MTHFD1L: variants seen among roughly 807,000 people sequenced by gnomAD.
MTHFD1L encodes the protein methylenetetrahydrofolate dehydrogenase (NADP+ dependent) 1 like, also known as monofunctional C1-tetrahydrofolate synthase, mitochondrial.
MTHFD1L carries 81 observed loss-of-function variants against 119.5 expected under a neutral mutation model. That is an observed-to-expected ratio of 0.68 (90% CI 0.57 to 0.82). The LOEUF (loss-of-function observed/expected upper bound fraction) is 0.82. Among genes scored for constraint, MTHFD1L ranks in the 40% least tolerant of loss-of-function variants. MTHFD1L has a pLI of 0.00. For synonymous variants in MTHFD1L, 430 were observed against 475.2 expected (o/e 0.90, Z 1.24); for missense variants, 1,125 against 1,253.4 (o/e 0.90, Z 1.55).
chr6:150,901,419 G>C (rs150003800), intron 7 of MTHFD1L, among the ~76,000 whole-genome samples: 14 of 152,322 alleles, frequency 9.2e-5, no homozygotes, highest in African/African-American at 3.1e-4. Context: ...GGGCTGCAGT[G>C]AGCTGAGACT....
chr6:151,004,481 G>T (rs1434155156), intron 20 of MTHFD1L, among the ~76,000 whole-genome samples: 2 of 152,158 alleles, frequency 1.3e-5, no homozygotes, highest in Non-Finnish European at 2.9e-5. Context: ...GGAATGTTGT[G>T]TTGTTCTGGT....
chr6:151,052,693 T>C (rs765563895), intron 26 of MTHFD1L, among the ~76,000 whole-genome samples: 5 of 152,184 alleles, frequency 3.3e-5, no homozygotes, highest in Non-Finnish European at 5.9e-5. Flanking sequence ...GATCAGACCA[T>C]TGCATAGCTC....
chr6:151,058,360 C>G (rs780655149), intron 26 of MTHFD1L, among the ~76,000 whole-genome samples: 1 of 152,252 alleles, frequency 6.6e-6, no homozygotes, highest in South Asian at 2.1e-4. Flanking sequence ...CTGTCACATC[C>G]GTTTTTGGCA....
chr6:150,933,519 A>G (rs148548816), intron 11 of MTHFD1L, among the ~76,000 whole-genome samples: 2 of 152,204 alleles, frequency 1.3e-5, no homozygotes, highest in East Asian at 3.9e-4. Flanking sequence ...CTGTTTAGAC[A>G]GATGCAGAGG....
In MTHFD1L at chr6:150,882,884, T is replaced by C; in HGVS notation, c.540T>C (p.Asp180=). The C allele has an allele frequency of 6.4e-7, 1 of 1,565,514 alleles. No homozygotes were observed. Residue 180 remains aspartate (D), a splice_region_variant and synonymous_variant, in exon 5 of 28, where the codon GAT becomes GAC. Coordinates refer to ENST00000367321, the MANE Select transcript of MTHFD1L (RefSeq NM_015440.5). ...LNALKPEKDV[D]GVTDINLGKL... ...CCTTGAAACCAGAAAAAGATGTGGA[T>C]GGGTAAGAAAATAAAATCAAATAAT...
intron 7 of MTHFD1L, among the ~76,000 whole-genome samples, chr6:150,902,687 C>T (rs147765951): frequency 9.9e-5 from 15 of 152,202 alleles, no homozygotes; most frequent in Non-Finnish European, 2.1e-4. Flanking sequence ...ATGAGCACAG[C>T]CCACTTTAGA....
intron 17 of MTHFD1L, among the ~76,000 whole-genome samples, chr6:150,957,214 A>G (rs1795778582): frequency 6.6e-6 from 1 of 152,228 alleles, no homozygotes; most frequent in African/African-American, 2.4e-5. Flanking sequence ...TTCAGTAAAT[A>G]TCTGTTGAAC....
intron 5 of MTHFD1L, among the ~76,000 whole-genome samples, chr6:150,884,656 G>GA (rs973487360): frequency 2.0e-5 from 3 of 152,080 alleles, no homozygotes; most frequent in Admixed American, 6.6e-5. Context: ...AAAAACAACA[G>GA]AGAGTAAAAG....
intron 1 of MTHFD1L, 65 bp downstream of exon 1, chr6:150,866,114 C>A: frequency 1.4e-6 from 2 of 1,457,248 alleles, no homozygotes; most frequent in South Asian, 1.3e-5. Flanking sequence ...AGGGGCGGAG[C>A]GCCCGGGACC....
intron 26 of MTHFD1L, among the ~76,000 whole-genome samples, chr6:151,056,230 C>T (rs1326303337): frequency 6.6e-6 from 1 of 152,164 alleles, no homozygotes; most frequent in African/African-American, 2.4e-5. Flanking sequence ...CTGAGAGATT[C>T]CCTGGCTGTT....
At chr6:150,896,889 A>T (rs1341192420) in intron 7 of MTHFD1L, among the ~76,000 whole-genome samples, 2 of 152,126 alleles carry the variant, frequency 1.3e-5, no homozygotes, top group Non-Finnish European at 2.9e-5. Context: ...CAGGTGGATC[A>T]TGAGGTCAGG....
At position 150,893,529 on chromosome 6, in the gene MTHFD1L, G is replaced by A. The variant is rs191850497; in HGVS notation, c.780+5548G>A. On this transcript the variant is annotated intron_variant, in intron 7 of 27. Transcript: ENST00000367321. ...TAAGTAGAAGGACGTTATCTTTGACGGGCATTTCTGTTGTGCTTATTTGTA... is the reference window on the plus strand; with the variant it reads ...TAAGTAGAAGGACGTTATCTTTGACAGGCATTTCTGTTGTGCTTATTTGTA... Among the ~76,000 whole-genome samples the A allele has an allele frequency of 1.0e-3, 155 of 152,260 alleles. 2 individuals are homozygous for A. The highest frequency in any genetic ancestry group is 3.3e-3 in the South Asian group (16 of 4,826).
intron 24 of MTHFD1L, among the ~76,000 whole-genome samples, chr6:151,018,343 G>A (rs1185122335): frequency 2.0e-5 from 3 of 152,172 alleles, no homozygotes; most frequent in African/African-American, 4.8e-5. Context: ...TGATAAGCCT[G>A]GAGTCACAGT....
chr6:150,889,326 A>G (rs1351342912), intron 7 of MTHFD1L, among the ~76,000 whole-genome samples: 4 of 152,182 alleles, frequency 2.6e-5, no homozygotes, highest in African/African-American at 9.7e-5. Flanking sequence ...AAACTGTAAA[A>G]CTTATAGAAA....
At chr6:151,080,103 G>A (rs375344983) in intron 26 of MTHFD1L, among the ~76,000 whole-genome samples, 3 of 152,056 alleles carry the variant, frequency 2.0e-5, no homozygotes, top group South Asian at 4.2e-4. Flanking sequence ...GCTTGAACCT[G>A]GGAGGTGGAG....
Position 150,938,688 on chromosome 6 carries a change from C to A in MTHFD1L, c.1394-11C>A. 1 of 1,608,558 alleles carries A rather than the reference C, an allele frequency of 6.2e-7. No individual in the cohort carries two copies. The highest frequency in any genetic ancestry group is 1.7e-4 in the Middle Eastern group (1 of 5,826). On this transcript the variant is annotated splice_polypyrimidine_tract_variant and intron_variant, in intron 12 of 27. Coordinates refer to ENST00000367321, the MANE Select transcript of MTHFD1L (RefSeq NM_015440.5). The stretch of plus-strand genomic sequence containing the variant: ...TGACCCGTTTGAAATGCCTCTTGCT[C>A]TGTTGTTTAGGAGGAGCCGCGGGTG...
intron 26 of MTHFD1L, among the ~76,000 whole-genome samples, chr6:151,090,715 G>A (rs571302644): frequency 6.6e-5 from 10 of 152,372 alleles, no homozygotes; most frequent in African/African-American, 2.2e-4. Context: ...CTGGCACATC[G>A]CAGCCTCATC....
chr6:150,960,276 C>G lies in MTHFD1L; in HGVS notation c.1805C>G (p.Ala602Gly). ...GNTEKGHYRQ[A>G]QFDIAVASEI... ...CTACCTGTGTTTGGGCTGGTTCAGG[C>G]GCAGTTTGACATCGCAGTGGCCAGC... Residue 602 changes from alanine (A) to glycine (G), a missense_variant and splice_region_variant, in exon 18 of 28, where the codon GCG becomes GGG. Around this residue, in one of 3 missense-constraint regions of MTHFD1L, gnomAD observed 1,058 missense variants for 1,151.2 expected, o/e 0.92. Coordinates refer to ENST00000367321, the MANE Select transcript of MTHFD1L (RefSeq NM_015440.5). 6.2e-7 allele frequency: 1 copy of G among 1,611,626 alleles called. No homozygotes were observed. The highest frequency in any genetic ancestry group is 1.1e-5 in the South Asian group (1 of 90,722).
intron 20 of MTHFD1L, among the ~76,000 whole-genome samples, chr6:150,980,109 C>T (rs948569644): frequency 6.6e-6 from 1 of 152,124 alleles, no homozygotes; most frequent in African/African-American, 2.4e-5. Context: ...TATGATGCTT[C>T]CAGGTTTTTT....
Sources: gnomAD v4.1 joint callset for allele counts (sites outside exome capture counted in the v4.1 genomes callset) on GRCh38, gnomAD v4.1.1 for gene constraint, gnomAD v4.1.1 regional missense constraint, MANE v1.5 for transcripts, NCBI Gene and HGNC (gene_info 2026-07-23, HGNC 2026-07-21) for gene names.